CNTN5: variants seen among roughly 807,000 people sequenced by gnomAD.
The protein encoded by CNTN5 is contactin-5.
Under a neutral mutation model 129.1 loss-of-function variants are expected in CNTN5, and 77 were observed. The ratio of observed to expected loss-of-function variants is 0.60; its 90% CI spans 0.50 to 0.72. The LOEUF is 0.72. Among genes scored for constraint, CNTN5 ranks in the 30% least tolerant of loss-of-function variants. The pLI is 0.00. For missense variants in CNTN5, 1,478 were observed against 1,328.8 expected, an observed-to-expected ratio of 1.11 and a Z score of -1.75; for synonymous variants, 509 against 465.6, an observed-to-expected ratio of 1.09 and a Z score of -1.20.
chr11:100,057,801 A>G (rs1300241864), intron 9 of CNTN5, among the ~76,000 whole-genome samples: 1 of 152,008 alleles, frequency 6.6e-6, no homozygotes, highest in Non-Finnish European at 1.5e-5. Context: ...GAAAACATAT[A>G]TTCATACCAT....
chr11:99,817,906 C>G (rs1380755620), intron 3 of CNTN5, among the ~76,000 whole-genome samples: 3 of 152,112 alleles, frequency 2.0e-5, no homozygotes, highest in East Asian at 1.9e-4. Flanking sequence ...AGCAAAGAGT[C>G]AAGGACATGA....
At chr11:100,347,403 A>G (rs944335652) in intron 23 of CNTN5, among the ~76,000 whole-genome samples, 4 of 152,074 alleles carry the variant, frequency 2.6e-5, no homozygotes, top group Non-Finnish European at 5.9e-5. Context: ...AATTAAAAAG[A>G]CTCACATATA....
chr11:99,945,450 G>A (rs1484078335), intron 7 of CNTN5, among the ~76,000 whole-genome samples: 1 of 150,742 alleles, frequency 6.6e-6, no homozygotes, highest in Non-Finnish European at 1.5e-5. Context: ...GGATGATTCT[G>A]CATAGAAGGT....
rs544503140 is a variant in CNTN5 at position 100,158,073 on chromosome 11, C to T, written c.1581-33053C>T. Among the ~76,000 whole-genome samples the T allele has an allele frequency of 1.2e-4, 18 of 151,786 alleles. 2 individuals are homozygous for T. The South Asian group carries it at 3.7e-3, about 32-fold the overall frequency. On this transcript the variant is annotated intron_variant, in intron 13 of 24. Coordinates refer to ENST00000524871, the MANE Select transcript of CNTN5 (RefSeq NM_014361.4). Reference sequence around the variant, plus strand: ...CAAAAGTGGCAACCATTGAGGAAGACTAATTTTTTGAAAATCTGTATTAGA... The same window carrying T: ...CAAAAGTGGCAACCATTGAGGAAGATTAATTTTTTGAAAATCTGTATTAGA...
chr11:99,776,352 A>G (rs1945123605), intron 3 of CNTN5, among the ~76,000 whole-genome samples: 1 of 151,990 alleles, frequency 6.6e-6, no homozygotes, highest in African/African-American at 2.4e-5. Context: ...CATTTTAAAG[A>G]AATCGATTTC....
At chr11:99,926,944 A>G (rs1179852903) in intron 7 of CNTN5, among the ~76,000 whole-genome samples, 1 of 152,196 alleles carries the variant, frequency 6.6e-6, no homozygotes, top group Non-Finnish European at 1.5e-5. Context: ...TACATTTTAT[A>G]AATAACTTAT....
intron 21 of CNTN5, among the ~76,000 whole-genome samples, chr11:100,339,760 C>G (rs1461438804): frequency 6.6e-6 from 1 of 152,040 alleles, no homozygotes; most frequent in Non-Finnish European, 1.5e-5. Flanking sequence ...AGTTCTAGTG[C>G]CTAAACAGAG....
chr11:99,311,936 C>A (rs959036468), intron 1 of CNTN5, among the ~76,000 whole-genome samples: 2 of 152,112 alleles, frequency 1.3e-5, no homozygotes, highest in African/African-American at 4.8e-5. Flanking sequence ...TTGCCAAATT[C>A]TTTGCAGACT....
chr11:99,259,408 G>T (rs2135818345), intron 1 of CNTN5, among the ~76,000 whole-genome samples: 1 of 151,824 alleles, frequency 6.6e-6, no homozygotes, highest in South Asian at 2.1e-4. Flanking sequence ...CTTAAAAAGT[G>T]AGATCATACT....
intron 2 of CNTN5, among the ~76,000 whole-genome samples, chr11:99,553,971 C>CAA (rs1375364786): frequency 8.8e-6 from 1 of 114,066 alleles, no homozygotes; most frequent in Non-Finnish European, 1.8e-5. Flanking sequence ...TGAATACACA[C>CAA]ACACACACAC....
At chr11:100,193,160 T>C (rs1285721582) in intron 14 of CNTN5, among the ~76,000 whole-genome samples, 1 of 151,938 alleles carries the variant, frequency 6.6e-6, no homozygotes, top group Non-Finnish European at 1.5e-5. Flanking sequence ...TTGAAAGTGG[T>C]CAGAGAGGCT....
At chr11:99,472,144 A>G (rs77632831) in intron 2 of CNTN5, among the ~76,000 whole-genome samples, 1 of 152,248 alleles carries the variant, frequency 6.6e-6, no homozygotes, top group African/African-American at 2.4e-5. Context: ...TTCCCCTGCA[A>G]GTCTCCATCG....
At chr11:99,780,417 G>A (rs1945272356) in intron 3 of CNTN5, among the ~76,000 whole-genome samples, 1 of 151,976 alleles carries the variant, frequency 6.6e-6, no homozygotes, top group Non-Finnish European at 1.5e-5. Flanking sequence ...TGGGAGGAAA[G>A]AAAAGACATT....
At chr11:99,084,364 G>A (rs75646144) in intron 1 of CNTN5, among the ~76,000 whole-genome samples, 2,429 of 152,210 alleles carry the variant, frequency 0.016, 24 homozygotes, top group Non-Finnish European at 0.024. Context: ...TTTGGCCCTA[G>A]GCAACTTAAG....
At chr11:99,858,411 T>C (rs1230764451) in intron 6 of CNTN5, among the ~76,000 whole-genome samples, 2 of 152,078 alleles carry the variant, frequency 1.3e-5, no homozygotes, top group African/African-American at 4.8e-5. Context: ...AATTGTATAA[T>C]GTCTGGTATG....
chr11:99,265,084 C>T (rs1359511742), intron 1 of CNTN5, among the ~76,000 whole-genome samples: 1 of 151,428 alleles, frequency 6.6e-6, no homozygotes, highest in Non-Finnish European at 1.5e-5. Flanking sequence ...AGGTGTGCTC[C>T]ATGTATTATT....
intron 2 of CNTN5, among the ~76,000 whole-genome samples, chr11:99,488,371 C>T (rs1374560233): frequency 1.3e-5 from 2 of 151,940 alleles, no homozygotes; most frequent in Non-Finnish European, 2.9e-5. Context: ...CGGGGTTTCA[C>T]CATGTTGGTC....
intron 1 of CNTN5, among the ~76,000 whole-genome samples, chr11:99,251,062 G>A (rs537101522): frequency 5.5e-4 from 84 of 152,024 alleles, no homozygotes; most frequent in African/African-American, 2.0e-3. Flanking sequence ...CTTTGCCGAT[G>A]CCACAATATC....
At chr11:100,314,679 T>A (rs1401794610) in intron 21 of CNTN5, among the ~76,000 whole-genome samples, 1 of 152,104 alleles carries the variant, frequency 6.6e-6, no homozygotes, top group Non-Finnish European at 1.5e-5. Context: ...GCAAGAGTCA[T>A]TTGGAGAGAA....
Sources: gnomAD v4.1 joint callset for allele counts (sites outside exome capture counted in the v4.1 genomes callset) on GRCh38, gnomAD v4.1.1 for gene constraint, MANE v1.5 for transcripts, NCBI Gene and HGNC (gene_info 2026-07-23, HGNC 2026-07-21) for gene names.